The following IRF2 variants were observed in gnomAD, a reference collection of about 807,000 sequenced individuals.
The protein encoded by IRF2 is interferon regulatory factor 2.
Under a neutral mutation model 40.6 loss-of-function variants are expected in IRF2, and 15 were observed. The observed-to-expected ratio is 0.37, with a 90% confidence interval of 0.25 to 0.57. The LOEUF (loss-of-function observed/expected upper bound fraction) is 0.57. Among genes scored for constraint, IRF2 ranks in the 20% least tolerant of loss-of-function variants. IRF2 has a pLI of 0.77. For synonymous variants in IRF2, 151 were observed against 165.5 expected, an observed-to-expected ratio of 0.91 and a Z score of 0.67; for missense variants, 317 against 455.7, an observed-to-expected ratio of 0.70 and a Z score of 2.77.
intron 8 of IRF2, 136 bp downstream of exon 8, chr4:184,390,567 T>C (rs1736221898): frequency 2.4e-6 from 2 of 817,710 alleles, no homozygotes; most frequent in Non-Finnish European, 4.0e-6. Context: ...GTGATGCATA[T>C]TTCACCACAC....
intron 7 of IRF2, among the ~76,000 whole-genome samples, chr4:184,392,158 A>C (rs1736282937): frequency 6.6e-6 from 1 of 152,228 alleles, no homozygotes; most frequent in African/African-American, 2.4e-5. Context: ...AAATGCAATC[A>C]CAGAGGGCAG....
At chr4:184,404,289 AC>A (rs1736772308) in intron 6 of IRF2, among the ~76,000 whole-genome samples, 1 of 152,050 alleles carries the variant, frequency 6.6e-6, no homozygotes, top group Non-Finnish European at 1.5e-5. Flanking sequence ...ATTTCCCCTG[AC>A]CCCTCTGAAA....
intron 1 of IRF2, among the ~76,000 whole-genome samples, chr4:184,451,620 G>A (rs1443664036): frequency 6.6e-6 from 1 of 152,098 alleles, no homozygotes; most frequent in Non-Finnish European, 1.5e-5. Flanking sequence ...TGGTAATATA[G>A]AACCCCTGGG....
rs1415666493 is a variant in IRF2, at chr4:184,408,996, T to C, written c.412-721A>G. Among the ~76,000 whole-genome samples the C allele has an allele frequency of 1.3e-5, 2 of 152,188 alleles. No individual in the cohort carries two copies. Among genetic ancestry groups the C allele is most frequent in the Non-Finnish European group, 2.9e-5 (2 of 68,034 alleles). ...CTTATTGGAGCTCTAAATGTGTGCT[T>C]TTTTTTCAAGTGCACCAGAACCCTC... is the stretch of plus-strand genomic sequence containing the variant. On this transcript the variant is annotated intron_variant, in intron 5 of 8. Transcript: ENST00000393593. The surrounding 1 kb of genome is among the most constrained non-coding windows in gnomAD (Gnocchi z 4.9).
At chr4:184,466,508 A>G (rs1015756737) in intron 1 of IRF2, among the ~76,000 whole-genome samples, 5 of 152,244 alleles carry the variant, frequency 3.3e-5, no homozygotes, top group Admixed American at 6.5e-5. Context: ...CTGAAAATAC[A>G]TACATCTATT....
intron 2 of IRF2, among the ~76,000 whole-genome samples, chr4:184,422,482 G>A (rs1410927207): frequency 1.3e-5 from 2 of 152,130 alleles, no homozygotes; most frequent in Non-Finnish European, 2.9e-5. Context: ...AAACATAAAC[G>A]TTCATAGCAG....
At chr4:184,451,469 C>T (rs887606225) in intron 1 of IRF2, among the ~76,000 whole-genome samples, 1 of 152,128 alleles carries the variant, frequency 6.6e-6, no homozygotes, top group Non-Finnish European at 1.5e-5. Context: ...CACAGTAACC[C>T]CATGGGGTCG....
rs552136861 is a variant in IRF2 at position 184,404,037 on chromosome 4, A to G, written c.529+4121T>C. Among the ~76,000 whole-genome samples, 3 of 152,242 alleles carry G rather than the reference A, an allele frequency of 2.0e-5. No individual in the cohort carries two copies. The South Asian group carries it at 6.2e-4, about 32-fold the overall frequency. On this transcript the variant is annotated intron_variant, in intron 6 of 8. Transcript: ENST00000393593. ...CACTTTATTAGCAATTGTTGACTTA[A>G]TGTAGGTCTCCACCTGAGAAAGCAA...
At position 184,428,945 on chromosome 4, in the gene IRF2, C is replaced by G. The variant is rs766919676; in HGVS notation, c.87+33G>C. 7.0e-6 allele frequency: 11 copies of G among 1,561,122 alleles called. No homozygotes were observed. The South Asian group carries it at 1.2e-4, about 17-fold the overall frequency. On this transcript the variant is annotated intron_variant, in intron 2 of 8. Transcript: ENST00000393593. Reference sequence around the variant, plus strand: ...CATGGGCGTGTTTCAGCCAGGACCTCTCTCACACATACACCCACCCTGACC... The same window carrying G: ...CATGGGCGTGTTTCAGCCAGGACCTGTCTCACACATACACCCACCCTGACC...
rs796428311 is a variant in IRF2, at chr4:184,461,691, C to A, written c.-7+12688G>T. On this transcript the variant is annotated intron_variant, in intron 1 of 8. Coordinates refer to ENST00000393593, the MANE Select transcript of IRF2 (RefSeq NM_002199.4). ...GAGCACTCTCCTCTACCCGCCCCCC[C>A]ACCGCCCCCCAACCCCCAACCCCCA... is the stretch of plus-strand genomic sequence containing the variant. 5.9e-4 allele frequency among the ~76,000 whole-genome samples: 88 copies of A among 148,054 alleles called. 2 individuals are homozygous for A. The highest frequency in any genetic ancestry group is 2.0e-3 in the African/African-American group (81 of 40,072).
intron 1 of IRF2, among the ~76,000 whole-genome samples, chr4:184,439,831 G>A (rs1738235213): frequency 6.6e-6 from 1 of 152,118 alleles, no homozygotes. Context: ...AACTGACTTG[G>A]GGCCCCTATG....
At chr4:184,450,608 C>T (rs1247037395) in intron 1 of IRF2, among the ~76,000 whole-genome samples, 1 of 152,026 alleles carries the variant, frequency 6.6e-6, no homozygotes, top group Admixed American at 6.6e-5. Context: ...GTCGAGTTTA[C>T]CTAACAATAC....
At position 184,408,476 on chromosome 4, in the gene IRF2, C is replaced by T. The variant is rs569383964; in HGVS notation, c.412-201G>A. ...AGGGTGCACTGCTGGGTATTCAGCT[C>T]CTTCCATTTTCCTTCAAGGAAACGG... On this transcript the variant is annotated intron_variant, in intron 5 of 8. Transcript: ENST00000393593. This position sits in a 1 kb window ranked among gnomAD's most constrained non-coding sequence, Gnocchi z 4.9. Among the ~76,000 whole-genome samples the T allele has an allele frequency of 2.8e-4, 43 of 152,308 alleles. No homozygotes were observed. The highest frequency in any genetic ancestry group is 5.0e-4 in the Non-Finnish European group (34 of 68,030).
At chr4:184,466,564 G>A (rs1371085564) in intron 1 of IRF2, among the ~76,000 whole-genome samples, 2 of 152,126 alleles carry the variant, frequency 1.3e-5, no homozygotes, top group Non-Finnish European at 2.9e-5. Flanking sequence ...CAGTACCAAG[G>A]AAGATCAGTA....
chr4:184,398,119 G>C (rs1736532429), intron 7 of IRF2, among the ~76,000 whole-genome samples: 1 of 152,186 alleles, frequency 6.6e-6, no homozygotes, highest in Admixed American at 6.5e-5. Context: ...CTAGCAATGA[G>C]CTTGGGGTCT....
intron 1 of IRF2, among the ~76,000 whole-genome samples, chr4:184,449,627 C>T (rs1013777425): frequency 3.9e-5 from 6 of 152,236 alleles, no homozygotes; most frequent in African/African-American, 1.4e-4. Flanking sequence ...GAAGGATGAA[C>T]TGCCATCAAA....
chr4:184,392,790 C>T (rs1041294867), intron 7 of IRF2, among the ~76,000 whole-genome samples: 2 of 152,170 alleles, frequency 1.3e-5, no homozygotes, highest in Non-Finnish European at 2.9e-5. Flanking sequence ...GTCTCTGGGC[C>T]TGTTTCTCAG....
At chr4:184,399,216 G>A in intron 6 of IRF2, 137 bp from the exon 7 acceptor site, 5 of 851,656 alleles carry the variant, frequency 5.9e-6, no homozygotes, top group Non-Finnish European at 8.8e-6. Context: ...TGGGGCTGAA[G>A]AACACGCCTG....
intron 2 of IRF2, among the ~76,000 whole-genome samples, chr4:184,427,560 C>T (rs537961018): frequency 1.4e-4 from 22 of 152,124 alleles, no homozygotes; most frequent in Non-Finnish European, 2.4e-4. Context: ...GTGGGAGGAT[C>T]GCTTCAGCAC....
Sources: allele counts gnomAD v4.1 joint callset (sites outside exome capture counted in the v4.1 genomes callset), GRCh38; gene constraint gnomAD v4.1.1; non-coding constraint Gnocchi (gnomAD v3.1); transcripts MANE v1.5; gene names NCBI Gene and HGNC (gene_info 2026-07-23, HGNC 2026-07-21).